Variants in USP6 observed in about 807,000 individuals in gnomAD.
The protein encoded by USP6 is ubiquitin specific peptidase 6.
Under a neutral mutation model 175.7 loss-of-function variants are expected in USP6, and 128 were observed. The observed-to-expected ratio is 0.73, with a 90% CI of 0.63 to 0.84. The LOEUF (loss-of-function observed/expected upper bound fraction) is 0.84, where lower values mean the gene tolerates loss of function less well. USP6 is among the 40% of genes least tolerant of loss of function. USP6 has a pLI of 0.00. For missense variants in USP6, 1,498 were observed against 1,760.3 expected (o/e 0.85, Z 2.67); for synonymous variants, 562 against 630.6 (o/e 0.89, Z 1.63).
At chr17:5,138,604 C>T (rs867646123) in intron 21 of USP6, among the ~76,000 whole-genome samples, 1 of 152,146 alleles carries the variant, frequency 6.6e-6, no homozygotes, top group Non-Finnish European at 1.5e-5. Context: ...GGAGACCCCG[C>T]CCCTCCCTGC....
rs1012423636 is a variant in USP6 at position 5,116,116 on chromosome 17, C to T, written c.-2552C>T. 3.9e-5 allele frequency among the ~76,000 whole-genome samples: 6 copies of T among 152,200 alleles called. No individual in the cohort carries two copies. Among genetic ancestry groups the T allele is most frequent in the African/African-American group, 1.4e-4 (6 of 41,460 alleles). ...CGCTGTGGGAGCTCGTCTCCAGGCG[C>T]CCATCAGTCTTCCCCTCACTCGACG... On this transcript the variant is annotated 5_prime_UTR_variant, in exon 1 of 38. Coordinates refer to ENST00000574788, the MANE Select transcript of USP6 (RefSeq NM_001304284.2).
At chr17:5,130,572 C>A (rs1567777588) in intron 10 of USP6, 30 bp from the exon 11 acceptor site, 2 of 1,612,374 alleles carry the variant, frequency 1.2e-6, no homozygotes, top group Non-Finnish European at 8.5e-7. Flanking sequence ...TTACCTTGGA[C>A]CCCTCACCAA....
chr17:5,159,582 A>G (rs2073963431), intron 31 of USP6, among the ~76,000 whole-genome samples: 1 of 152,188 alleles, frequency 6.6e-6, no homozygotes, highest in African/African-American at 2.4e-5. Context: ...TGTTTTAGAA[A>G]AGGAAGGAAG....
chr17:5,127,307 C>CAGCCCA (rs1202755269), intron 6 of USP6, among the ~76,000 whole-genome samples, 197 bp from the exon 7 acceptor site: 1 of 152,222 alleles, frequency 6.6e-6, no homozygotes, highest in African/African-American at 2.4e-5. Context: ...CGCCCCAAAC[C>CAGCCCA]AGCCCCAGCC....
At chr17:5,172,271 C>T (rs140031109) in intron 37 of USP6, among the ~76,000 whole-genome samples, 2,340 of 152,044 alleles carry the variant, frequency 0.015, 57 homozygotes, top group African/African-American at 0.053. Flanking sequence ...GTGGCTCATG[C>T]CTATAATCCC....
At position 5,167,915 on chromosome 17, in the gene USP6, G is replaced by A; in HGVS notation, c.3037-17G>A. 1 of 1,603,526 alleles carries A rather than the reference G, an allele frequency of 6.2e-7. No homozygotes were observed. Among genetic ancestry groups the A allele is most frequent in the Non-Finnish European group, 8.5e-7 (1 of 1,173,428 alleles). On this transcript the variant is annotated splice_polypyrimidine_tract_variant and intron_variant, in intron 33 of 37. Coordinates refer to ENST00000574788, the MANE Select transcript of USP6 (RefSeq NM_001304284.2). ...CCTTCCCACACACCCCTTTCCTCCTGTTCCCTCTACCTACAGGTTGTAGAT... is the reference window on the plus strand; with the variant it reads ...CCTTCCCACACACCCCTTTCCTCCTATTCCCTCTACCTACAGGTTGTAGAT...
chr17:5,134,633 T>C (rs2073191451), intron 15 of USP6: 1 of 174,256 alleles, frequency 5.7e-6, no homozygotes. Context: ...AGGCTGGTCC[T>C]CCCTTCAAAC....
At chr17:5,156,380 T>C (rs886106277) in intron 31 of USP6, among the ~76,000 whole-genome samples, 3 of 152,142 alleles carry the variant, frequency 2.0e-5, no homozygotes, top group Non-Finnish European at 2.9e-5. Flanking sequence ...CGATCCTGGC[T>C]CACTGCAACC....
At position 5,132,640 on chromosome 17, in the gene USP6, G is replaced by T. The variant is rs564707982; in HGVS notation, c.195+205G>T. 2.0e-5 allele frequency among the ~76,000 whole-genome samples: 3 copies of T among 152,330 alleles called. No individual in the cohort carries two copies. The highest frequency in any genetic ancestry group is 2.0e-4 in the Admixed American group (3 of 15,298). On this transcript the variant is annotated intron_variant, in intron 12 of 37. Transcript: ENST00000574788. The surrounding 1 kb of genome is among the most constrained non-coding windows in gnomAD (Gnocchi z 4.7). ...AAAGTGAGAACCACAGTCCTGGCTT[G>T]GGGGGTGGCTGCGCGCTTGTGTCAG...
chr17:5,154,343 T>C (rs2073835989), intron 30 of USP6, among the ~76,000 whole-genome samples: 2 of 152,172 alleles, frequency 1.3e-5, no homozygotes, highest in African/African-American at 4.8e-5. Context: ...TCTTAGAGAA[T>C]TAAATATTCA....
intron 14 of USP6, 99 bp downstream of exon 14, chr17:5,133,649 G>GCACCCCCCCCCCCCC: frequency 1.1e-6 from 1 of 879,784 alleles, no homozygotes; most frequent in Non-Finnish European, 1.8e-6. Context: ...TGGGGGGGTG[G>GCACCCCCCCCCCCCC]GAGGGGATGG....
intron 37 of USP6, among the ~76,000 whole-genome samples, chr17:5,172,310 T>A (rs1366665838): frequency 2.6e-5 from 4 of 151,838 alleles, no homozygotes; most frequent in Non-Finnish European, 4.4e-5. Context: ...GGTGGGCGGA[T>A]CATGAGGTCA....
chr17:5,170,698 G>A lies in USP6; in HGVS notation c.3737G>A (p.Gly1246Glu). Residue 1246 changes from glycine (G) to glutamate (E), a missense_variant, in exon 36 of 38, where the codon GGG becomes GAG. Transcript: ENST00000574788. Reference sequence around the variant, plus strand: ...GAGCTGGCTGACGCCTTGAGCCGAGGGCATATGCGGGGGGGCAGCCAACCA... The same window carrying A: ...GAGCTGGCTGACGCCTTGAGCCGAGAGCATATGCGGGGGGGCAGCCAACCA... ...ICELADALSRGHMRGGSQPEL... is the reference protein window; with the variant it reads ...ICELADALSREHMRGGSQPEL... 6.2e-7 allele frequency: 1 copy of A among 1,613,946 alleles called. No homozygotes were observed. Among genetic ancestry groups the A allele is most frequent in the Non-Finnish European group, 8.5e-7 (1 of 1,179,858 alleles).
chr17:5,166,944 G>T (rs879910354), intron 33 of USP6, among the ~76,000 whole-genome samples: 2 of 152,096 alleles, frequency 1.3e-5, no homozygotes, highest in African/African-American at 2.4e-5. Context: ...GACCCCAAAG[G>T]TTTGGGTGGG....
At chr17:5,157,023 C>T (rs543506449) in intron 31 of USP6, among the ~76,000 whole-genome samples, 1 of 152,020 alleles carries the variant, frequency 6.6e-6, no homozygotes, top group Non-Finnish European at 1.5e-5. Flanking sequence ...AGCCACCACA[C>T]CTGGCCAGAT....
intron 4 of USP6, among the ~76,000 whole-genome samples, chr17:5,124,037 A>T (rs1446193972): frequency 6.6e-6 from 1 of 152,190 alleles, no homozygotes; most frequent in Non-Finnish European, 1.5e-5. Flanking sequence ...AGGGGACCCT[A>T]CCAGGACACG....
In USP6 at chr17:5,132,779, CT is replaced by C; in HGVS notation, c.196-129del. ...CTCATTTGCTCAAAGGCTCTCAGCC[CT>C]TAGGGTCTGCCCTTCCCTGGCTCCT... On this transcript the variant is annotated intron_variant, in intron 12 of 37. Coordinates refer to ENST00000574788, the MANE Select transcript of USP6 (RefSeq NM_001304284.2). The surrounding 1 kb of genome is among the most constrained non-coding windows in gnomAD (Gnocchi z 4.7). 8.4e-7 allele frequency: 1 copy of C among 1,194,606 alleles called. No individual in the cohort carries two copies. Among genetic ancestry groups the C allele is most frequent in the Non-Finnish European group, 1.2e-6 (1 of 807,062 alleles). The allele number at this position is 1,194,606 out of a possible 1,614,324, so 74.0% of individuals were successfully genotyped here. A position where few individuals can be genotyped will look rare whatever the true frequency, so the allele number is the denominator to read the frequency against.
At chr17:5,155,339 C>T (rs2073857809) in intron 30 of USP6, 83 bp from the exon 31 acceptor site, 2 of 1,462,816 alleles carry the variant, frequency 1.4e-6, no homozygotes, top group Non-Finnish European at 1.9e-6. Context: ...GTGATAATGC[C>T]TATCATTGGC....
At chr17:5,143,726 G>A (rs1408091217) in intron 25 of USP6, among the ~76,000 whole-genome samples, 1 of 150,770 alleles carries the variant, frequency 6.6e-6, no homozygotes, top group East Asian at 1.9e-4. Context: ...ATCCCCCTCT[G>A]CGAGAAACAC....
Sources: gnomAD v4.1 joint callset for allele counts (sites outside exome capture counted in the v4.1 genomes callset) on GRCh38, gnomAD v4.1.1 for gene constraint, Gnocchi (gnomAD v3.1) non-coding constraint, MANE v1.5 for transcripts, NCBI Gene and HGNC (gene_info 2026-07-23, HGNC 2026-07-21) for gene names.